GLG1: variants seen among roughly 807,000 people sequenced by gnomAD.
The protein encoded by GLG1 is golgi glycoprotein 1.
A neutral mutation model predicts 160.5 loss-of-function variants in GLG1; 38 were observed. The ratio of observed to expected loss-of-function variants is 0.24; its 90% CI spans 0.18 to 0.31. The LOEUF (loss-of-function observed/expected upper bound fraction) is 0.31. Among genes scored for constraint, GLG1 ranks in the 10% least tolerant of loss-of-function variants. GLG1 has a pLI of 1.00. For synonymous variants in GLG1, 644 were observed against 543.4 expected (o/e 1.19, Z -2.57); for missense variants, 1,373 against 1,505.2 (o/e 0.91, Z 1.45).
chr16:74,574,481 A>C (rs1423310024), intron 1 of GLG1, among the ~76,000 whole-genome samples: 2 of 152,196 alleles, frequency 1.3e-5, no homozygotes, highest in Non-Finnish European at 2.9e-5. Flanking sequence ...GATGGTGCTT[A>C]TCATCTAACT....
intron 18 of GLG1, among the ~76,000 whole-genome samples, chr16:74,467,027 A>G (rs1279262355): frequency 1.3e-5 from 2 of 152,240 alleles, no homozygotes; most frequent in African/African-American, 4.8e-5. Context: ...AACCGGAAAC[A>G]CACACAAAAC....
At chr16:74,544,568 G>A (rs9923644) in intron 1 of GLG1, among the ~76,000 whole-genome samples, 102,519 of 152,094 alleles carry the variant, frequency 0.67, 34,793 homozygotes, top group East Asian at 0.81. Context: ...GTGCAATAGC[G>A]TGATCACGGC....
chr16:74,598,956 G>A (rs1322751715), intron 1 of GLG1, among the ~76,000 whole-genome samples: 1 of 151,740 alleles, frequency 6.6e-6, no homozygotes, highest in Non-Finnish European at 1.5e-5. Flanking sequence ...TATTGTTCCT[G>A]AGTAAATTTG....
chr16:74,472,469 G>A, intron 13 of GLG1, 58 bp from the exon 14 acceptor site: 6 of 1,393,940 alleles, frequency 4.3e-6, no homozygotes, highest in African/African-American at 1.4e-5. Flanking sequence ...GGTGGAGGAG[G>A]AGCAGTTTCT....
At chr16:74,534,926 T>C (rs994385952) in intron 1 of GLG1, among the ~76,000 whole-genome samples, 2 of 152,224 alleles carry the variant, frequency 1.3e-5, no homozygotes, top group African/African-American at 4.8e-5. Flanking sequence ...GCCACTGACA[T>C]GCTCAGGCCA....
intron 3 of GLG1, 52 bp from the exon 4 acceptor site, chr16:74,503,798 A>G (rs2016502466): frequency 2.6e-6 from 3 of 1,145,348 alleles, no homozygotes; most frequent in Non-Finnish European, 3.9e-6. Context: ...CTCGTATCAA[A>G]CAATATTTAT....
At chr16:74,502,315 T>C (rs986246865) in intron 4 of GLG1, among the ~76,000 whole-genome samples, 4 of 152,164 alleles carry the variant, frequency 2.6e-5, no homozygotes, top group African/African-American at 7.2e-5. Context: ...TGACCTTCTG[T>C]TCAGCAGACT....
Position 74,459,705 on chromosome 16 carries a change from T to C in GLG1, c.3121A>G (p.Ile1041Val), listed in dbSNP as rs2014709503. The part of the protein sequence containing the change: ...EECLKVNLLK[I>V]KTELCKKEVL... ...ACCTTTTTACACAATTCTGTTTTGA[T>C]CTTGAGCAGGTTGACCTTGAGGCAC... is the stretch of plus-strand genomic sequence containing the variant. The change falls in exon 23 of 26, where the codon ATC becomes GTC. Residue 1041 changes from isoleucine to valine, a missense_variant. Physicochemically the swap from Ile to Val is conservative, Grantham distance 29. Coordinates refer to ENST00000422840, the MANE Select transcript of GLG1 (RefSeq NM_001145667.2). 4 of 1,585,136 alleles carry C rather than the reference T, an allele frequency of 2.5e-6. No individual in the cohort carries two copies. The highest frequency in any genetic ancestry group is 2.6e-6 in the Non-Finnish European group (3 of 1,156,156).
chr16:74,554,676 T>C (rs763793465), intron 1 of GLG1, among the ~76,000 whole-genome samples: 7 of 152,216 alleles, frequency 4.6e-5, no homozygotes, highest in Non-Finnish European at 7.3e-5. Context: ...AACTATTGTA[T>C]AGAAAGGAAC....
chr16:74,526,620 A>C (rs2017342749), intron 2 of GLG1, among the ~76,000 whole-genome samples: 1 of 152,098 alleles, frequency 6.6e-6, no homozygotes. Flanking sequence ...GCTACTCAGG[A>C]GGCTGAGGTG....
intron 7 of GLG1, 148 bp downstream of exon 7, chr16:74,492,805 CGAGA>C (rs2016049007): frequency 2.1e-6 from 1 of 465,224 alleles, no homozygotes; most frequent in African/African-American, 2.2e-5. Flanking sequence ...GGCGACAGAG[CGAGA>C]GACTCCGTCT....
intron 1 of GLG1, among the ~76,000 whole-genome samples, chr16:74,561,120 G>A (rs956992409): frequency 8.5e-5 from 13 of 152,054 alleles, no homozygotes; most frequent in African/African-American, 3.1e-4. Flanking sequence ...CCAACAGGCA[G>A]CAAGCCAGGA....
intron 1 of GLG1, among the ~76,000 whole-genome samples, chr16:74,605,766 A>G (rs1405718630): frequency 1.3e-5 from 2 of 152,186 alleles, no homozygotes; most frequent in Non-Finnish European, 2.9e-5. Context: ...AACAGTATCA[A>G]GTGGTAGCTT....
At chr16:74,576,991 A>G (rs2019023082) in intron 1 of GLG1, among the ~76,000 whole-genome samples, 1 of 150,584 alleles carries the variant, frequency 6.6e-6, no homozygotes, top group African/African-American at 2.5e-5. Context: ...GCATGAACAT[A>G]GCTCACTGCA....
chr16:74,484,743 G>A (rs567214700), intron 9 of GLG1, among the ~76,000 whole-genome samples: 2 of 152,232 alleles, frequency 1.3e-5, no homozygotes, highest in African/African-American at 4.8e-5. Context: ...TCCAGCCTGG[G>A]CTACAGAGCA....
chr16:74,566,708 A>C (rs1466821379), intron 1 of GLG1, among the ~76,000 whole-genome samples: 2 of 152,108 alleles, frequency 1.3e-5, no homozygotes, highest in Admixed American at 1.3e-4. Context: ...ATACTTTCAA[A>C]AGTATAATTT....
chr16:74,523,960 C>A (rs2017253945), intron 2 of GLG1, among the ~76,000 whole-genome samples: 1 of 152,092 alleles, frequency 6.6e-6, no homozygotes, highest in Admixed American at 6.5e-5. Context: ...CCTGTGTAAT[C>A]CCAGCACTTT....
At chr16:74,473,683 G>A (rs2015295483) in intron 13 of GLG1, among the ~76,000 whole-genome samples, 1 of 151,890 alleles carries the variant, frequency 6.6e-6, no homozygotes, top group African/African-American at 2.4e-5. Context: ...CTTGTGATCC[G>A]CCCGCCTCGC....
At chr16:74,569,043 G>A (rs918334901) in intron 1 of GLG1, among the ~76,000 whole-genome samples, 5 of 152,206 alleles carry the variant, frequency 3.3e-5, no homozygotes, top group South Asian at 2.1e-4. Context: ...CTGAAGGGCC[G>A]TGTGGGCAGA....
Sources: gnomAD v4.1 joint callset for allele counts (sites outside exome capture counted in the v4.1 genomes callset) on GRCh38, gnomAD v4.1.1 for gene constraint, MANE v1.5 for transcripts, NCBI Gene and HGNC (gene_info 2026-07-23, HGNC 2026-07-21) for gene names.